Variants in WDR7 observed in about 807,000 individuals in gnomAD.
WDR7 encodes WD repeat domain 7.
WDR7 carries 46 observed loss-of-function variants against 169.4 expected under a neutral mutation model. That is an observed-to-expected ratio of 0.27 (90% confidence interval 0.21 to 0.35). The LOEUF (loss-of-function observed/expected upper bound fraction) is 0.35, where lower values mean the gene tolerates loss of function less well. Ranked by LOEUF, WDR7 falls within the 10% of genes least tolerant of loss-of-function variation. The pLI is 1.00. For missense variants in WDR7, 1,534 were observed against 1,859.3 expected (o/e 0.83, Z 3.22); for synonymous variants, 612 against 666.8 (o/e 0.92, Z 1.27).
intron 20 of WDR7, among the ~76,000 whole-genome samples, chr18:56,830,510 G>A (rs937410507): frequency 6.6e-6 from 1 of 152,118 alleles, no homozygotes; most frequent in Non-Finnish European, 1.5e-5. Flanking sequence ...AGAAAATTCC[G>A]GCCATACAGC....
intron 14 of WDR7, among the ~76,000 whole-genome samples, chr18:56,747,325 A>C (rs1042073057): frequency 6.6e-6 from 1 of 152,188 alleles, no homozygotes; most frequent in South Asian, 2.1e-4. Flanking sequence ...AAATTGGTAT[A>C]ATAGGGTTGT....
At chr18:56,795,971 T>C (rs1221386811) in intron 19 of WDR7, among the ~76,000 whole-genome samples, 1 of 152,196 alleles carries the variant, frequency 6.6e-6, no homozygotes, top group Non-Finnish European at 1.5e-5. Flanking sequence ...GAAATGTGAA[T>C]ACAACAATGA....
chr18:56,874,147 C>T (rs2045990610), intron 20 of WDR7, among the ~76,000 whole-genome samples: 1 of 152,100 alleles, frequency 6.6e-6, no homozygotes, highest in African/African-American at 2.4e-5. Context: ...CCTCCTTGTG[C>T]CTGTTCTTAT....
At chr18:56,729,403 T>C (rs1017256507) in intron 13 of WDR7, among the ~76,000 whole-genome samples, 10 of 152,176 alleles carry the variant, frequency 6.6e-5, no homozygotes, top group African/African-American at 2.4e-4. Context: ...CATGTAAATA[T>C]ATCCTGTTAA....
intron 14 of WDR7, among the ~76,000 whole-genome samples, chr18:56,748,648 C>G (rs893381122): frequency 6.6e-6 from 1 of 152,040 alleles, no homozygotes; most frequent in Non-Finnish European, 1.5e-5. Flanking sequence ...TATTAACATA[C>G]TTGTTAATGA....
At chr18:56,667,279 C>T (rs980689063) in intron 1 of WDR7, among the ~76,000 whole-genome samples, 3 of 152,098 alleles carry the variant, frequency 2.0e-5, no homozygotes, top group Non-Finnish European at 4.4e-5. Context: ...TCTGTAATGT[C>T]TCCTATTTTT....
intron 27 of WDR7, among the ~76,000 whole-genome samples, chr18:57,024,267 A>G (rs1236693853): frequency 6.6e-6 from 1 of 152,194 alleles, no homozygotes; most frequent in Non-Finnish European, 1.5e-5. Context: ...TCAAGGCTCA[A>G]GATGTCCTTA....
intron 14 of WDR7, among the ~76,000 whole-genome samples, chr18:56,732,818 A>G (rs1487576616): frequency 1.3e-5 from 2 of 152,218 alleles, no homozygotes; most frequent in Non-Finnish European, 2.9e-5. Flanking sequence ...TTCAGTGTTC[A>G]TAGCACATTT....
intron 21 of WDR7, among the ~76,000 whole-genome samples, chr18:56,880,842 C>T (rs994392140): frequency 6.6e-6 from 1 of 152,142 alleles, no homozygotes; most frequent in South Asian, 2.1e-4. Flanking sequence ...GGTAAGGGTG[C>T]TTTAAAATAA....
intron 26 of WDR7, among the ~76,000 whole-genome samples, chr18:56,969,782 A>G (rs2047457958): frequency 6.6e-6 from 1 of 152,184 alleles, no homozygotes; most frequent in Non-Finnish European, 1.5e-5. Context: ...TTGTATTCAT[A>G]TTTGTTGCTC....
At chr18:56,690,806 C>T (rs907831418) in intron 7 of WDR7, among the ~76,000 whole-genome samples, 2 of 79,462 alleles carry the variant, frequency 2.5e-5, no homozygotes, top group African/African-American at 7.1e-5. Context: ...CAGAGCAAGA[C>T]TTTGTCTCAA....
intron 26 of WDR7, among the ~76,000 whole-genome samples, chr18:56,997,635 C>T (rs1479771865): frequency 6.6e-6 from 1 of 151,948 alleles, no homozygotes; most frequent in Non-Finnish European, 1.5e-5. Flanking sequence ...TTTTTTAAAG[C>T]CTTTGAAAAT....
intron 19 of WDR7, among the ~76,000 whole-genome samples, chr18:56,803,661 A>G (rs954590636): frequency 6.6e-6 from 1 of 152,226 alleles, no homozygotes; most frequent in Admixed American, 6.5e-5. Flanking sequence ...GAAAAAGAGA[A>G]TAACAATAAG....
chr18:56,806,437 TTC>T (rs1370514256), intron 19 of WDR7, among the ~76,000 whole-genome samples: 9 of 152,134 alleles, frequency 5.9e-5, no homozygotes, highest in South Asian at 2.1e-4. Flanking sequence ...AAATGAAAAC[TTC>T]TGTAAAACAT....
chr18:56,778,522 C>T lies in WDR7; in HGVS notation c.2948-909C>T, dbSNP rs375182747. Reference sequence around the variant, plus strand: ...GAGGAATTTATTGTATATGTATTTTCACATACCTTTAAAATGGGGTTGCAG... The same window carrying T: ...GAGGAATTTATTGTATATGTATTTTTACATACCTTTAAAATGGGGTTGCAG... On this transcript the variant is annotated intron_variant, in intron 17 of 27. Transcript: ENST00000254442. Among the ~76,000 whole-genome samples, 11 of 152,134 alleles carry T rather than the reference C, an allele frequency of 7.2e-5. No homozygotes were observed. The East Asian group carries it at 1.7e-3, about 24-fold the overall frequency.
intron 26 of WDR7, among the ~76,000 whole-genome samples, chr18:56,984,720 A>G (rs546510622): frequency 1.3e-5 from 2 of 152,254 alleles, no homozygotes; most frequent in South Asian, 2.1e-4. Flanking sequence ...ATTTTTGGGC[A>G]GACTTTATAT....
intron 21 of WDR7, among the ~76,000 whole-genome samples, chr18:56,894,838 G>A (rs2046309269): frequency 6.6e-6 from 1 of 151,948 alleles, no homozygotes; most frequent in Non-Finnish European, 1.5e-5. Context: ...AAAGTGTATT[G>A]TCTGTTAACT....
intron 14 of WDR7, among the ~76,000 whole-genome samples, chr18:56,734,552 G>A (rs1209084869): frequency 1.4e-5 from 2 of 146,206 alleles, no homozygotes; most frequent in African/African-American, 2.5e-5. Context: ...GCTTGAAATA[G>A]CAGGAATCCT....
chr18:56,800,740 T>G (rs2044658232), intron 19 of WDR7, among the ~76,000 whole-genome samples: 1 of 152,230 alleles, frequency 6.6e-6, no homozygotes. Context: ...TAAGTTTGCT[T>G]CAGTGTCAGT....
Sources: allele counts gnomAD v4.1 joint callset (sites outside exome capture counted in the v4.1 genomes callset), GRCh38; gene constraint gnomAD v4.1.1; transcripts MANE v1.5; gene names NCBI Gene and HGNC (gene_info 2026-07-23, HGNC 2026-07-21).